Variants in PNPT1 observed in about 807,000 individuals in gnomAD.
The protein encoded by PNPT1 is polyribonucleotide nucleotidyltransferase 1, mitochondrial.
PNPT1 carries 53 observed loss-of-function variants against 119.5 expected under a neutral mutation model. That is an observed-to-expected ratio of 0.44 (90% CI 0.36 to 0.56). PNPT1 has a LOEUF of 0.56. Ranked by LOEUF, PNPT1 falls within the 20% of genes least tolerant of loss-of-function variation. The pLI, the probability that PNPT1 is intolerant of heterozygous loss-of-function variation, is 0.00. For missense variants in PNPT1, 948 were observed against 938.5 expected (o/e 1.01, Z -0.13); for synonymous variants, 357 against 322.1 (o/e 1.11, Z -1.16).
chr2:55,677,896 G>T (rs532263290), intron 8 of PNPT1, among the ~76,000 whole-genome samples: 1 of 151,744 alleles, frequency 6.6e-6, no homozygotes, highest in South Asian at 2.1e-4. Context: ...CCGCCAACAC[G>T]CCCGGCTAAT....
chr2:55,676,262 C>CAAAAAAA (rs11400030), intron 8 of PNPT1, among the ~76,000 whole-genome samples: 69 of 82,748 alleles, frequency 8.3e-4, no homozygotes, highest in African/African-American at 1.0e-3. Context: ...CCATCTCAAC[C>CAAAAAAA]AAAAAAAAAA....
intron 12 of PNPT1, 83 bp from the exon 13 acceptor site, chr2:55,667,176 C>A: frequency 9.9e-7 from 1 of 1,012,366 alleles, no homozygotes; most frequent in South Asian, 1.4e-5. Context: ...AGGAAGTTCT[C>A]AACCTCAGTT....
Position 55,689,212 on chromosome 2 carries a change from A to G in PNPT1, c.162-1507T>C, listed in dbSNP as rs150265209. Among the ~76,000 whole-genome samples the G allele has an allele frequency of 2.8e-3, 422 of 152,390 alleles. 3 individuals are homozygous for G. The highest frequency in any genetic ancestry group is 5.1e-3 in the Non-Finnish European group (344 of 68,042). ...TGATAAGGGACTTGTGTTAATATCT[A>G]GAATATTTAAAGAATGCTTACAATT... On this transcript the variant is annotated intron_variant, in intron 1 of 27. Coordinates refer to ENST00000447944, the MANE Select transcript of PNPT1 (RefSeq NM_033109.5).
At chr2:55,680,664 G>GAA in intron 7 of PNPT1, 48 bp downstream of exon 7, 4 of 1,385,334 alleles carry the variant, frequency 2.9e-6, no homozygotes, top group Non-Finnish European at 3.9e-6. Flanking sequence ...ACTACTTACT[G>GAA]AAAAAAAAAA....
At chr2:55,651,658 G>A (rs1168306628) in intron 18 of PNPT1, among the ~76,000 whole-genome samples, 1 of 149,940 alleles carries the variant, frequency 6.7e-6, no homozygotes, top group Non-Finnish European at 1.5e-5. Context: ...AGGGTCCTCT[G>A]CCTAGGAAAA....
At chr2:55,636,458 C>G in intron 27 of PNPT1, 66 bp from the exon 28 acceptor site, 1 of 1,510,238 alleles carries the variant, frequency 6.6e-7, no homozygotes. Context: ...AACTAATAGA[C>G]ATTTAAATTT....
chr2:55,686,491 T>C (rs1471370589), intron 2 of PNPT1, 47 bp from the exon 3 acceptor site: 1 of 1,450,444 alleles, frequency 6.9e-7, no homozygotes, highest in Non-Finnish European at 9.6e-7. Flanking sequence ...AAATCAGATA[T>C]TAGCATCTAA....
chr2:55,642,064 A>T (rs1366437775), intron 25 of PNPT1, among the ~76,000 whole-genome samples: 4 of 151,164 alleles, frequency 2.6e-5, no homozygotes, highest in Non-Finnish European at 5.9e-5. Flanking sequence ...CTGCTCTCGA[A>T]CCCCCCACTT....
chr2:55,673,076 A>C lies in PNPT1; in HGVS notation c.683T>G (p.Met228Arg), dbSNP rs1180408514. 1.3e-6 allele frequency: 2 copies of C among 1,565,464 alleles called. No homozygotes were observed. The highest frequency in any genetic ancestry group is 2.3e-5 in the East Asian group (1 of 43,248). ...VAGAPKSQIV[M>R]LEASAENILQ... ...AATGTTCTCTGCAGAGGCTTCCAAC[A>C]TGACTATTTAAAGGAAAAAGAAAAA... The change falls in exon 9 of 28, where the codon ATG (methionine) becomes AGG (arginine). Residue 228 changes from methionine (M) to arginine (R), a missense_variant. Physicochemically the swap from Met to Arg is moderately conservative, Grantham distance 91. Transcript: ENST00000447944.
In PNPT1 at chr2:55,667,855, T is replaced by C. The variant is rs1559101868; in HGVS notation, c.1073+7A>G. On this transcript the variant is annotated splice_region_variant and intron_variant, in intron 12 of 27. Transcript: ENST00000447944. ...ACTTCAATTTCAACAAAAAAGGGTA[T>C]GTTTACCTTTTGTATTCATTCAAAA... 5.6e-6 allele frequency: 9 copies of C among 1,597,960 alleles called. No individual in the cohort carries two copies. In the South Asian group the frequency reaches 5.7e-5, roughly 10 times the overall value.
Position 55,683,539 on chromosome 2 carries a change from G to A in PNPT1, c.453+246C>T, listed in dbSNP as rs145732469. On this transcript the variant is annotated intron_variant, in intron 5 of 27. Coordinates refer to ENST00000447944, the MANE Select transcript of PNPT1 (RefSeq NM_033109.5). ...GAGGCAGGAGAATCACTTGAACCTGGGAGATTGAGGTTGCAGTGAGCTGAG... is the reference window on the plus strand; with the variant it reads ...GAGGCAGGAGAATCACTTGAACCTGAGAGATTGAGGTTGCAGTGAGCTGAG... Among the ~76,000 whole-genome samples, 1,110 of 151,532 alleles carry A rather than the reference G, an allele frequency of 7.3e-3. 18 individuals carry two copies. Among genetic ancestry groups the A allele is most frequent in the African/African-American group, 0.026 (1,061 of 41,218 alleles).
At chr2:55,638,977 T>C (rs1018605321) in intron 26 of PNPT1, among the ~76,000 whole-genome samples, 4 of 152,116 alleles carry the variant, frequency 2.6e-5, no homozygotes, top group Non-Finnish European at 5.9e-5. Flanking sequence ...GGGTTTGCCA[T>C]GTTGGCCATG....
At chr2:55,683,156 T>C (rs1043467951) in intron 5 of PNPT1, among the ~76,000 whole-genome samples, 1 of 152,210 alleles carries the variant, frequency 6.6e-6, no homozygotes, top group Non-Finnish European at 1.5e-5. Flanking sequence ...CAGCCTGATT[T>C]GGTCTCCACT....
At chr2:55,644,803 T>TA in intron 22 of PNPT1, 83 bp from the exon 23 acceptor site, 1 of 978,424 alleles carries the variant, frequency 1.0e-6, no homozygotes, top group Non-Finnish European at 1.5e-6. Flanking sequence ...TGAGATTTTT[T>TA]TTTTTTTTGA....
chr2:55,682,060 G>A (rs538356491), intron 5 of PNPT1, among the ~76,000 whole-genome samples: 1 of 150,838 alleles, frequency 6.6e-6, no homozygotes, highest in African/African-American at 2.4e-5. Context: ...GGATAATGGT[G>A]TGAACCTGGG....
chr2:55,679,054 G>A (rs1232735562), intron 8 of PNPT1, among the ~76,000 whole-genome samples: 1 of 152,184 alleles, frequency 6.6e-6, no homozygotes, highest in African/African-American at 2.4e-5. Flanking sequence ...TATAGTGGCA[G>A]AGACAGGTTT....
chr2:55,679,529 A>G (rs1233349667), intron 8 of PNPT1, among the ~76,000 whole-genome samples, 153 bp downstream of exon 8: 1 of 152,220 alleles, frequency 6.6e-6, no homozygotes, highest in African/African-American at 2.4e-5. Context: ...ATCATTTGAT[A>G]TGAAGCAAGA....
At chr2:55,689,060 G>A (rs1408524597) in intron 1 of PNPT1, among the ~76,000 whole-genome samples, 1 of 152,012 alleles carries the variant, frequency 6.6e-6, no homozygotes, top group African/African-American at 2.4e-5. Flanking sequence ...TCTTAAATAT[G>A]ACATCAAAAG....
At chr2:55,654,859 G>A in intron 18 of PNPT1, 41 bp downstream of exon 18, 2 of 1,575,862 alleles carry the variant, frequency 1.3e-6, no homozygotes, top group South Asian at 2.2e-5. Context: ...GGGATTACAG[G>A]CATGAGCAAT....
Sources: allele counts gnomAD v4.1 joint callset (sites outside exome capture counted in the v4.1 genomes callset), GRCh38; gene constraint gnomAD v4.1.1; transcripts MANE v1.5; gene names NCBI Gene and HGNC (gene_info 2026-07-23, HGNC 2026-07-21).